The following NUBPL variants were observed in gnomAD, a reference collection of about 807,000 sequenced individuals.
NUBPL encodes NUBP iron-sulfur cluster assembly factor, mitochondrial.
In NUBPL, 31 loss-of-function variants were observed where a neutral mutation model predicts 45.7. The observed-to-expected ratio is 0.68, with a 90% CI of 0.51 to 0.92. The LOEUF is 0.92. Among genes scored for constraint, NUBPL ranks in the 40% least tolerant of loss-of-function variants. NUBPL has a pLI of 0.00. For missense variants in NUBPL, 401 were observed against 398.7 expected (o/e 1.01, Z -0.05); for synonymous variants, 144 against 140.9 (o/e 1.02, Z -0.15).
rs34890900 is a variant in NUBPL, at chr14:31,683,352, CTTTTTTTTTT to C, written c.513+9792_513+9801del. Among the ~76,000 whole-genome samples the C allele has an allele frequency of 2.6e-3, 234 of 91,056 alleles. 1 individual carries two copies. Among genetic ancestry groups the C allele is most frequent in the Non-Finnish European group, 4.0e-3 (195 of 48,810 alleles). 59.7% of individuals were successfully genotyped at this position (91,056 alleles called of 152,430 possible). A position where few individuals can be genotyped will look rare whatever the true frequency, so the allele number is the denominator to read the frequency against. On this transcript the variant is annotated intron_variant, in intron 6 of 10. Coordinates refer to ENST00000281081, the MANE Select transcript of NUBPL (RefSeq NM_025152.3). Reference sequence around the variant, plus strand: ...CTTTTAAGCTAGTTAATAAAACAATCTTTTTTTTTTTTTTTTTTTTTTTGTGAGACAGGGT... The same window carrying C: ...CTTTTAAGCTAGTTAATAAAACAATCTTTTTTTTTTTTTGTGAGACAGGGT...
intron 6 of NUBPL, among the ~76,000 whole-genome samples, chr14:31,760,172 A>AGAGAGAGAGAGAGAGAGAGAGG (rs2038774125): frequency 6.8e-6 from 1 of 146,466 alleles, no homozygotes; most frequent in Non-Finnish European, 1.5e-5. Context: ...AGAGAGAGAG[A>AGAGAGAGAGAGAGAGAGAGAGG]GAGAGAGAGA....
intron 6 of NUBPL, among the ~76,000 whole-genome samples, chr14:31,694,861 G>A (rs2037178654): frequency 6.6e-6 from 1 of 152,214 alleles, no homozygotes; most frequent in Admixed American, 6.5e-5. Flanking sequence ...CCATTGGTTA[G>A]ATGTTGAGGT....
At chr14:31,690,091 G>A (rs1595498588) in intron 6 of NUBPL, among the ~76,000 whole-genome samples, 2 of 148,430 alleles carry the variant, frequency 1.3e-5, no homozygotes, top group Non-Finnish European at 1.5e-5. Context: ...ACTCATTCTG[G>A]AAAAAAAAAA....
In NUBPL at chr14:31,649,929, C is replaced by T. The variant is rs573454409; in HGVS notation, c.383-23426C>T. Among the ~76,000 whole-genome samples the T allele has an allele frequency of 1.6e-4, 24 of 152,154 alleles. No homozygotes were observed. In the East Asian group the frequency reaches 2.1e-3, roughly 14 times the overall value. On this transcript the variant is annotated intron_variant, in intron 4 of 10. Coordinates refer to ENST00000281081, the MANE Select transcript of NUBPL (RefSeq NM_025152.3). ...GGCTGGATTGCAATGGCGCAATCTC[C>T]GCTCACTGCAACCTCCGCCTCTCAG...
chr14:31,729,553 CT>C (rs2038005113), intron 6 of NUBPL, among the ~76,000 whole-genome samples: 1 of 152,038 alleles, frequency 6.6e-6, no homozygotes. Context: ...AAACATATTA[CT>C]TTAGTCATAT....
intron 6 of NUBPL, among the ~76,000 whole-genome samples, chr14:31,675,069 G>A (rs963438515): frequency 9.9e-5 from 15 of 151,790 alleles, no homozygotes; most frequent in South Asian, 2.1e-4. Context: ...CCCGGGAGGC[G>A]GAGCTTGCAG....
intron 4 of NUBPL, among the ~76,000 whole-genome samples, chr14:31,637,189 A>G (rs1049106275): frequency 2.1e-4 from 32 of 151,882 alleles, no homozygotes; most frequent in Non-Finnish European, 4.3e-4. Flanking sequence ...TTAGGGTGTC[A>G]ATTTTGGATC....
chr14:31,834,244 A>G (rs1018027619), intron 8 of NUBPL, among the ~76,000 whole-genome samples: 11 of 130,370 alleles, frequency 8.4e-5, no homozygotes, highest in South Asian at 2.5e-4. Context: ...GCAGTGGTGT[A>G]ATCTTGGCTC....
intron 4 of NUBPL, among the ~76,000 whole-genome samples, chr14:31,639,430 G>T (rs1367292364): frequency 6.6e-6 from 1 of 152,184 alleles, no homozygotes; most frequent in African/African-American, 2.4e-5. Context: ...CTGTATGATC[G>T]TTCCTCTGGA....
chr14:31,683,637 C>T (rs1385249764), intron 6 of NUBPL, among the ~76,000 whole-genome samples: 3 of 152,282 alleles, frequency 2.0e-5, no homozygotes, highest in Middle Eastern at 3.4e-3. Context: ...AGGCGTGAGC[C>T]ACCGCGCCCG....
Position 31,599,323 on chromosome 14 carries a change from A to G in NUBPL, c.326A>G (p.Tyr109Cys). The G allele has an allele frequency of 1.2e-6, 2 of 1,613,090 alleles. No homozygotes were observed. The highest frequency in any genetic ancestry group is 1.7e-6 in the Non-Finnish European group (2 of 1,179,376). Residue 109 changes from tyrosine to cysteine, a missense_variant, in exon 4 of 11, where the codon TAT becomes TGT. Transcript: ENST00000281081. The part of the protein sequence containing the change: ...KAIGLLDVDV[Y>C]GPSVPKMMNL... The stretch of plus-strand genomic sequence containing the variant: ...ATTGGTTTGCTAGATGTGGATGTGT[A>G]TGGACCTTCAGTTCCAAAGATGATG...
chr14:31,647,341 T>C (rs761842858), intron 4 of NUBPL, among the ~76,000 whole-genome samples: 3 of 152,224 alleles, frequency 2.0e-5, no homozygotes, highest in Non-Finnish European at 2.9e-5. Flanking sequence ...TTGGTTTTTA[T>C]TGGATATGTT....
At chr14:31,767,065 C>A (rs956483356) in intron 6 of NUBPL, among the ~76,000 whole-genome samples, 1 of 152,016 alleles carries the variant, frequency 6.6e-6, no homozygotes, top group Admixed American at 6.6e-5. Context: ...AAAAGTGCCC[C>A]CCTCAAAGCC....
chr14:31,738,333 C>CTA (rs1732302445), intron 6 of NUBPL, among the ~76,000 whole-genome samples: 1 of 152,194 alleles, frequency 6.6e-6, no homozygotes, highest in South Asian at 2.1e-4. Context: ...TCACCAGAGG[C>CTA]TACAACCTTA....
intron 6 of NUBPL, among the ~76,000 whole-genome samples, chr14:31,738,681 T>A: frequency 6.6e-6 from 1 of 152,192 alleles, no homozygotes; most frequent in East Asian, 1.9e-4. Context: ...CTGTGTTTTT[T>A]AACTGATTAG....
chr14:31,674,843 T>C (rs927806320), intron 6 of NUBPL, among the ~76,000 whole-genome samples: 6 of 152,018 alleles, frequency 3.9e-5, no homozygotes, highest in Non-Finnish European at 5.9e-5. Flanking sequence ...TGTATAAAAG[T>C]TACAGTTTAT....
intron 4 of NUBPL, among the ~76,000 whole-genome samples, chr14:31,668,638 C>T (rs1036253001): frequency 6.6e-6 from 1 of 152,194 alleles, no homozygotes; most frequent in Non-Finnish European, 1.5e-5. Context: ...AGTGTCTGCC[C>T]AAGCAGCTGC....
chr14:31,563,729 T>G (rs1332751979), intron 2 of NUBPL, among the ~76,000 whole-genome samples: 1 of 152,232 alleles, frequency 6.6e-6, no homozygotes, highest in Non-Finnish European at 1.5e-5. Context: ...TGCTCAGTGA[T>G]TCTATTGTTT....
chr14:31,660,604 T>A (rs992227181), intron 4 of NUBPL, among the ~76,000 whole-genome samples: 12 of 152,212 alleles, frequency 7.9e-5, no homozygotes, highest in African/African-American at 2.4e-4. Flanking sequence ...TGTGTTTGAA[T>A]ATTATTTAAA....
Sources: gnomAD v4.1 joint callset for allele counts (sites outside exome capture counted in the v4.1 genomes callset) on GRCh38, gnomAD v4.1.1 for gene constraint, MANE v1.5 for transcripts, NCBI Gene and HGNC (gene_info 2026-07-23, HGNC 2026-07-21) for gene names.